Variants in IRF2 observed in about 807,000 individuals in gnomAD.
The protein encoded by IRF2 is interferon regulatory factor 2.
IRF2 carries 15 observed loss-of-function variants against 40.6 expected under a neutral mutation model. The ratio of observed to expected loss-of-function variants is 0.37; its 90% confidence interval spans 0.25 to 0.57. The LOEUF is 0.57. Among genes scored for constraint, IRF2 ranks in the 20% least tolerant of loss-of-function variants. The pLI is 0.77. For synonymous variants in IRF2, 151 were observed against 165.5 expected, an observed-to-expected ratio of 0.91 and a Z score of 0.67; for missense variants, 317 against 455.7, an observed-to-expected ratio of 0.70 and a Z score of 2.77.
chr4:184,399,464 C>T (rs1412688096), intron 6 of IRF2, among the ~76,000 whole-genome samples: 1 of 152,240 alleles, frequency 6.6e-6, no homozygotes, highest in Non-Finnish European at 1.5e-5. Context: ...CTGCTCCCTG[C>T]TCTTGCTCCA....
chr4:184,423,277 G>A (rs1737547733), intron 2 of IRF2, among the ~76,000 whole-genome samples: 1 of 152,174 alleles, frequency 6.6e-6, no homozygotes, highest in Non-Finnish European at 1.5e-5. Context: ...GCCATGCCAG[G>A]GCCCACCATT....
At chr4:184,406,461 C>G (rs1221726915) in intron 6 of IRF2, among the ~76,000 whole-genome samples, 3 of 152,170 alleles carry the variant, frequency 2.0e-5, no homozygotes, top group Non-Finnish European at 4.4e-5. Flanking sequence ...ATCTGCTGAG[C>G]TCGTGAACCA....
At chr4:184,432,363 G>A (rs1279169537) in intron 1 of IRF2, among the ~76,000 whole-genome samples, 1 of 152,220 alleles carries the variant, frequency 6.6e-6, no homozygotes, top group East Asian at 1.9e-4. Flanking sequence ...CTTTTCACAG[G>A]CTACAGAGTG....
Position 184,448,274 on chromosome 4 carries a change from C to G in IRF2, c.-6-19204G>C, listed in dbSNP as rs1345316379. Among the ~76,000 whole-genome samples the G allele has an allele frequency of 2.0e-5, 3 of 152,304 alleles. No individual in the cohort carries two copies. Among genetic ancestry groups the G allele is most frequent in the Non-Finnish European group, 4.4e-5 (3 of 68,026 alleles). On this transcript the variant is annotated intron_variant, in intron 1 of 8. Coordinates refer to ENST00000393593, the MANE Select transcript of IRF2 (RefSeq NM_002199.4). The surrounding 1 kb of genome is among the most constrained non-coding windows in gnomAD (Gnocchi z 4.3). ...CCCCCTTTGTGGTGCTTAAATGAAG[C>G]TGCTGGCGGTTTATTCGTCCTCCGT...
At chr4:184,407,702 A>G (rs989497610) in intron 6 of IRF2, among the ~76,000 whole-genome samples, 2 of 152,202 alleles carry the variant, frequency 1.3e-5, no homozygotes, top group Non-Finnish European at 2.9e-5. Context: ...GATATACAGA[A>G]GGTGCTCAAA....
At position 184,413,544 on chromosome 4, in the gene IRF2, A is replaced by C. The variant is rs1223077028; in HGVS notation, c.411+4623T>G. ...CCTGCCAGGGAGTGTGCTGTGTTTT[A>C]ATCCAGCTCAGGTCACTGTTAGAGC... On this transcript the variant is annotated intron_variant, in intron 5 of 8. Transcript: ENST00000393593. The surrounding 1 kb of genome is among the most constrained non-coding windows in gnomAD (Gnocchi z 4.2). Among the ~76,000 whole-genome samples, 2 of 152,224 alleles carry C rather than the reference A, an allele frequency of 1.3e-5. No homozygotes were observed. Among genetic ancestry groups the C allele is most frequent in the Non-Finnish European group, 2.9e-5 (2 of 68,034 alleles).
In IRF2 at chr4:184,446,195, G is replaced by A. The variant is rs181634083; in HGVS notation, c.-6-17125C>T. On this transcript the variant is annotated intron_variant, in intron 1 of 8. Transcript: ENST00000393593. ...AACTTTTGGCCTTCAAAACTGTGAG[G>A]GAATAAATTTCTGTTGTTTCATGCT... Among the ~76,000 whole-genome samples, 18 of 152,326 alleles carry A rather than the reference G, an allele frequency of 1.2e-4. No homozygotes were observed. The East Asian group carries it at 2.9e-3, about 24-fold the overall frequency.
chr4:184,420,750 G>A (rs1033604388), intron 2 of IRF2, among the ~76,000 whole-genome samples: 3 of 152,132 alleles, frequency 2.0e-5, no homozygotes, highest in Non-Finnish European at 4.4e-5. Flanking sequence ...ACATCCACAG[G>A]GACCTCAGTT....
intron 7 of IRF2, among the ~76,000 whole-genome samples, chr4:184,395,166 C>G (rs1417831779): frequency 6.6e-6 from 1 of 152,004 alleles, no homozygotes; most frequent in Non-Finnish European, 1.5e-5. Flanking sequence ...AATCCCAGCA[C>G]TTTGGGAGGC....
chr4:184,414,669 T>G (rs1737199662), intron 5 of IRF2, among the ~76,000 whole-genome samples: 1 of 152,264 alleles, frequency 6.6e-6, no homozygotes, highest in African/African-American at 2.4e-5. Flanking sequence ...CAATGGGCCT[T>G]GGGTGTTCCA....
At chr4:184,419,098 G>A (rs1303693829) in intron 3 of IRF2, among the ~76,000 whole-genome samples, 2 of 152,182 alleles carry the variant, frequency 1.3e-5, no homozygotes, top group Non-Finnish European at 2.9e-5. Flanking sequence ...GTCCATTCCT[G>A]TAAACAGCTC....
chr4:184,395,331 T>TG, intron 7 of IRF2, among the ~76,000 whole-genome samples: 1 of 137,700 alleles, frequency 7.3e-6, no homozygotes, highest in East Asian at 2.3e-4. Context: ...GAGAATGGCG[T>TG]GAACCCGGGA....
chr4:184,394,908 T>C (rs1002163478), intron 7 of IRF2, among the ~76,000 whole-genome samples: 2 of 152,230 alleles, frequency 1.3e-5, no homozygotes, highest in African/African-American at 4.8e-5. Flanking sequence ...CAAATCACAC[T>C]AGAATTTTAT....
chr4:184,441,900 T>C (rs1738325064), intron 1 of IRF2, among the ~76,000 whole-genome samples: 1 of 152,164 alleles, frequency 6.6e-6, no homozygotes, highest in South Asian at 2.1e-4. Context: ...AGAACTCATA[T>C]TTGAACTGGA....
chr4:184,446,335 G>C (rs1348570203), intron 1 of IRF2, among the ~76,000 whole-genome samples: 2 of 152,232 alleles, frequency 1.3e-5, no homozygotes, highest in African/African-American at 4.8e-5. Context: ...GCACCTGTTA[G>C]GGTGGCTGGG....
chr4:184,469,261 G>C (rs1196401119), intron 1 of IRF2, among the ~76,000 whole-genome samples: 1 of 152,184 alleles, frequency 6.6e-6, no homozygotes, highest in Non-Finnish European at 1.5e-5. Context: ...CGGCCAGCCT[G>C]TCCAACACAC....
At chr4:184,424,050 A>G (rs1312214710) in intron 2 of IRF2, among the ~76,000 whole-genome samples, 1 of 111,026 alleles carries the variant, frequency 9.0e-6, no homozygotes, top group African/African-American at 3.4e-5. Flanking sequence ...TTAATATACC[A>G]GATACACACA....
chr4:184,389,978 G>C (rs2149889711), intron 8 of IRF2, among the ~76,000 whole-genome samples: 1 of 152,350 alleles, frequency 6.6e-6, no homozygotes, highest in Non-Finnish European at 1.5e-5. Context: ...GAAGAAATCA[G>C]GCCAGGGTGT....
intron 5 of IRF2, among the ~76,000 whole-genome samples, chr4:184,411,877 G>A (rs1399938209): frequency 2.6e-5 from 4 of 151,614 alleles, no homozygotes; most frequent in African/African-American, 4.8e-5. Flanking sequence ...AACCTGGCCC[G>A]GTTAATCCTG....
Sources: allele counts gnomAD v4.1 joint callset (sites outside exome capture counted in the v4.1 genomes callset), GRCh38; gene constraint gnomAD v4.1.1; non-coding constraint Gnocchi (gnomAD v3.1); transcripts MANE v1.5; gene names NCBI Gene and HGNC (gene_info 2026-07-23, HGNC 2026-07-21).